ADAMTS12: variants seen among roughly 807,000 people sequenced by gnomAD.
ADAMTS12 encodes the protein A disintegrin and metalloproteinase with thrombospondin motifs 12.
In ADAMTS12, 118 loss-of-function variants were observed where a neutral mutation model predicts 167.8. The observed-to-expected ratio is 0.70, with a 90% CI of 0.61 to 0.82. The LOEUF (loss-of-function observed/expected upper bound fraction) is 0.82, where lower values mean the gene tolerates loss of function less well. Ranked by LOEUF, ADAMTS12 falls within the 40% of genes least tolerant of loss-of-function variation. The probability of loss-of-function intolerance (pLI) is 0.00; values close to 1 mark genes in which losing one functional copy is unlikely to be tolerated. For synonymous variants in ADAMTS12, 704 were observed against 716.9 expected (o/e 0.98, Z 0.29); for missense variants, 1,916 against 1,998.8 (o/e 0.96, Z 0.79).
chr5:33,588,824 G>C lies in ADAMTS12; in HGVS notation c.2655-15C>G. ...CTGCCCACCACCTGCAGGCAAACAT[G>C]GATATGTGAGAGAAGATCGCCAACT... is the stretch of plus-strand genomic sequence containing the variant. On this transcript the variant is annotated splice_polypyrimidine_tract_variant and intron_variant, in intron 17 of 23. Coordinates refer to ENST00000504830, the MANE Select transcript of ADAMTS12 (RefSeq NM_030955.4). 1 of 1,611,658 alleles carries C rather than the reference G, an allele frequency of 6.2e-7. No homozygotes were observed. Among genetic ancestry groups the C allele is most frequent in the Non-Finnish European group, 8.5e-7 (1 of 1,179,940 alleles).
At chr5:33,535,943 C>G (rs1013125087) in intron 22 of ADAMTS12, among the ~76,000 whole-genome samples, 3 of 152,044 alleles carry the variant, frequency 2.0e-5, no homozygotes, top group African/African-American at 7.2e-5. Flanking sequence ...CAGGTCCTCT[C>G]AAGCCATTCT....
chr5:33,616,074 T>C lies in ADAMTS12; in HGVS notation c.2144-2A>G. 2.5e-6 allele frequency: 4 copies of C among 1,613,520 alleles called. No homozygotes were observed. Among genetic ancestry groups the C allele is most frequent in the Non-Finnish European group, 3.4e-6 (4 of 1,179,788 alleles). ...GAATGAGCCCAATGTCAACATAACC[T>C]AAAGAGAGAAGACACAATCATGAAA... On this transcript the variant is annotated splice_acceptor_variant, in intron 14 of 23. Coordinates refer to ENST00000504830, the MANE Select transcript of ADAMTS12 (RefSeq NM_030955.4). LOFTEE classifies it high-confidence loss of function.
At chr5:33,751,048 T>C in intron 3 of ADAMTS12, 1 of 340,554 alleles carries the variant, frequency 2.9e-6, no homozygotes, top group South Asian at 8.1e-5. Context: ...TGAAAATCAT[T>C]ACGTCTTTAT....
chr5:33,728,900 GC>G (rs1355700379), intron 3 of ADAMTS12, among the ~76,000 whole-genome samples: 3 of 152,130 alleles, frequency 2.0e-5, no homozygotes, highest in Non-Finnish European at 4.4e-5. Flanking sequence ...ATGCATATAT[GC>G]TTATATAAAT....
At chr5:33,652,708 C>G (rs1740909912) in intron 7 of ADAMTS12, among the ~76,000 whole-genome samples, 1 of 151,926 alleles carries the variant, frequency 6.6e-6, no homozygotes, top group Admixed American at 6.6e-5. Context: ...TTGCCTGGAC[C>G]AAAAGAGTTT....
intron 2 of ADAMTS12, among the ~76,000 whole-genome samples, chr5:33,804,910 T>TA (rs11300325): frequency 8.6e-5 from 13 of 151,134 alleles, no homozygotes; most frequent in Non-Finnish European, 1.6e-4. Context: ...CACTACAGAA[T>TA]AAAAAAAAAT....
At chr5:33,822,951 A>G (rs1348622711) in intron 2 of ADAMTS12, among the ~76,000 whole-genome samples, 1 of 151,790 alleles carries the variant, frequency 6.6e-6, no homozygotes, top group African/African-American at 2.4e-5. Flanking sequence ...AATTAGCCAG[A>G]TGTGATGGTG....
At chr5:33,769,873 T>A (rs1745677873) in intron 2 of ADAMTS12, among the ~76,000 whole-genome samples, 1 of 152,212 alleles carries the variant, frequency 6.6e-6, no homozygotes, top group South Asian at 2.1e-4. Flanking sequence ...CTGTCCTGCC[T>A]TCCTCCCATG....
chr5:33,752,597 T>A (rs1245004796), intron 2 of ADAMTS12, among the ~76,000 whole-genome samples: 1 of 152,200 alleles, frequency 6.6e-6, no homozygotes, highest in Non-Finnish European at 1.5e-5. Context: ...TCACCTGCCA[T>A]TAGGCTCTTT....
intron 2 of ADAMTS12, among the ~76,000 whole-genome samples, chr5:33,810,634 C>T (rs1265078471): frequency 6.6e-6 from 1 of 151,922 alleles, no homozygotes; most frequent in African/African-American, 2.4e-5. Flanking sequence ...CATGTGAATC[C>T]CTGGGATAGC....
chr5:33,661,257 A>G (rs750000239), intron 6 of ADAMTS12, among the ~76,000 whole-genome samples: 4 of 152,226 alleles, frequency 2.6e-5, no homozygotes, highest in Non-Finnish European at 5.9e-5. Context: ...TATTGAATCA[A>G]TGAGCAAACA....
At chr5:33,851,472 T>C (rs1749218793) in intron 2 of ADAMTS12, among the ~76,000 whole-genome samples, 1 of 152,196 alleles carries the variant, frequency 6.6e-6, no homozygotes, top group Admixed American at 6.5e-5. Flanking sequence ...AATCTCTTTA[T>C]TGAAACAGTT....
chr5:33,599,883 T>C (rs1192758230), intron 16 of ADAMTS12, among the ~76,000 whole-genome samples: 3 of 152,256 alleles, frequency 2.0e-5, no homozygotes, highest in Non-Finnish European at 4.4e-5. Context: ...GTTATCATTA[T>C]GTGACACTGC....
At chr5:33,784,925 T>C (rs1193246718) in intron 2 of ADAMTS12, among the ~76,000 whole-genome samples, 1 of 152,098 alleles carries the variant, frequency 6.6e-6, no homozygotes, top group Non-Finnish European at 1.5e-5. Flanking sequence ...ATTTCAAAAC[T>C]TATTGTAAAG....
intron 2 of ADAMTS12, among the ~76,000 whole-genome samples, chr5:33,805,743 G>C (rs1747200643): frequency 6.6e-6 from 1 of 152,218 alleles, no homozygotes; most frequent in East Asian, 1.9e-4. Flanking sequence ...AGGAAAAAAG[G>C]GCTGGGTGCA....
chr5:33,751,311 A>C, intron 3 of ADAMTS12, 93 bp downstream of exon 3: 2 of 1,511,214 alleles, frequency 1.3e-6, no homozygotes, highest in Non-Finnish European at 1.8e-6. Context: ...AGAGGAGATA[A>C]GAGACTTGAG....
chr5:33,604,716 T>G (rs1219191620), intron 16 of ADAMTS12, among the ~76,000 whole-genome samples: 1 of 151,896 alleles, frequency 6.6e-6, no homozygotes, highest in Non-Finnish European at 1.5e-5. Flanking sequence ...TAAACAATCA[T>G]GACAAATCCT....
intron 2 of ADAMTS12, among the ~76,000 whole-genome samples, chr5:33,759,713 C>T (rs1745283470): frequency 6.6e-6 from 1 of 152,172 alleles, no homozygotes; most frequent in South Asian, 2.1e-4. Context: ...TCACATAAGA[C>T]TAGAAAAGTT....
intron 2 of ADAMTS12, among the ~76,000 whole-genome samples, chr5:33,858,143 A>G (rs547088235): frequency 1.3e-5 from 2 of 152,358 alleles, no homozygotes; most frequent in South Asian, 4.1e-4. Context: ...CTCTGACTAC[A>G]ATGAAATTAA....
Sources: gnomAD v4.1 joint callset for allele counts (sites outside exome capture counted in the v4.1 genomes callset) on GRCh38, gnomAD v4.1.1 for gene constraint, MANE v1.5 for transcripts, NCBI Gene and HGNC (gene_info 2026-07-23, HGNC 2026-07-21) for gene names.